GALR1: variants seen among roughly 807,000 people sequenced by gnomAD.
The protein encoded by GALR1 is galanin receptor 1.
A neutral mutation model predicts 17.9 loss-of-function variants in GALR1; 11 were observed. That is an observed-to-expected ratio of 0.62 (90% confidence interval 0.39 to 1.02). The LOEUF (loss-of-function observed/expected upper bound fraction) is 1.02, where lower values mean the gene tolerates loss of function less well. Among genes scored for constraint, GALR1 ranks in the 50% least tolerant of loss-of-function variants. The pLI, the probability that GALR1 is intolerant of heterozygous loss-of-function variation, is 0.01. For synonymous variants in GALR1, 206 were observed against 205.7 expected (o/e 1.00, Z -0.01); for missense variants, 441 against 456.9 (o/e 0.97, Z 0.32).
At chr18:77,265,609 C>G (rs1912928725) in intron 2 of GALR1, among the ~76,000 whole-genome samples, 1 of 152,224 alleles carries the variant, frequency 6.6e-6, no homozygotes, top group Non-Finnish European at 1.5e-5. Flanking sequence ...CAGAGGTTCT[C>G]CATAAGGACT....
chr18:77,252,964 A>G (rs997182928), intron 1 of GALR1, among the ~76,000 whole-genome samples: 1 of 71,398 alleles, frequency 1.4e-5, no homozygotes, highest in Non-Finnish European at 3.2e-5. Flanking sequence ...CACCATCACC[A>G]CCACCATCAC....
At chr18:77,258,570 GTGGTGGTGGTCATGGTGGTGA>G (rs1465116683) in intron 2 of GALR1, among the ~76,000 whole-genome samples, 40 of 145,754 alleles carry the variant, frequency 2.7e-4, no homozygotes, top group South Asian at 1.1e-3. Flanking sequence ...CATAGTGGGG[GTGGTGGTGGTCATGGTGGTGA>G]TGGTGGTGGT....
At chr18:77,262,346 C>T (rs1912849905) in intron 2 of GALR1, among the ~76,000 whole-genome samples, 1 of 152,134 alleles carries the variant, frequency 6.6e-6, no homozygotes, top group African/African-American at 2.4e-5. Flanking sequence ...CTATGCTAGG[C>T]ATATATCGTT....
chr18:77,268,210 G>A (rs1441279382), intron 2 of GALR1, among the ~76,000 whole-genome samples: 1 of 152,068 alleles, frequency 6.6e-6, no homozygotes, highest in Non-Finnish European at 1.5e-5. Flanking sequence ...TGGTGATACA[G>A]CTGCGGTGGG....
intron 1 of GALR1, among the ~76,000 whole-genome samples, chr18:77,254,823 C>A (rs748917114): frequency 6.6e-6 from 1 of 152,202 alleles, no homozygotes; most frequent in African/African-American, 2.4e-5. Flanking sequence ...AATGCTCCTG[C>A]GGCACGTAAA....
Position 77,250,615 on chromosome 18 carries a change from C to T in GALR1, c.67C>T (p.Pro23Ser), listed in dbSNP as rs1325129883. 6.4e-7 allele frequency: 1 copy of T among 1,573,772 alleles called. No individual in the cohort carries two copies. The highest frequency in any genetic ancestry group is 2.4e-5 in the East Asian group (1 of 42,388). Residue 23 changes from proline (P) to serine (S), a missense_variant, in exon 1 of 3, where the codon CCC becomes TCC. Pro to Ser is a moderately conservative substitution (Grantham distance 74). Transcript: ENST00000299727. ...ASWPEPPAPE[P>S]GPLFGIGVEN... ...CTGGCCGGAGCCCCCCGCCCCGGAG[C>T]CCGGGCCGCTGTTCGGCATCGGCGT...
chr18:77,268,037 C>G (rs1212156599), intron 2 of GALR1, among the ~76,000 whole-genome samples: 1 of 152,186 alleles, frequency 6.6e-6, no homozygotes, highest in Non-Finnish European at 1.5e-5. Flanking sequence ...GCAAAAGGGA[C>G]TAATTCGGTC....
intron 2 of GALR1, among the ~76,000 whole-genome samples, chr18:77,266,691 T>C (rs1912948986): frequency 6.6e-6 from 1 of 152,194 alleles, no homozygotes; most frequent in African/African-American, 2.4e-5. Flanking sequence ...AACATGTCCT[T>C]CTTCACATGG....
In GALR1 at chr18:77,271,257, C is replaced by CCA. The variant is rs1555673532; in HGVS notation, c.*2356_*2357insAC. On this transcript the variant is annotated 3_prime_UTR_variant, in exon 3 of 3. Coordinates refer to ENST00000299727, the MANE Select transcript of GALR1 (RefSeq NM_001480.4). ...AGCTTGCGCTTGAAACCCCCCCCCC[C>CCA]CCGCCACTTTGCTAAATGTAAATGC... is the stretch of plus-strand genomic sequence containing the variant. 9.6e-6 allele frequency: 1 copy of CCA among 103,808 alleles called. No homozygotes were observed. Among genetic ancestry groups the CCA allele is most frequent in the Non-Finnish European group, 2.1e-5 (1 of 47,724 alleles). 6.4% of individuals were successfully genotyped at this position (103,808 alleles called of 1,614,324 possible).
chr18:77,255,179 G>C (rs546473798), intron 1 of GALR1, among the ~76,000 whole-genome samples: 130 of 152,296 alleles, frequency 8.5e-4, no homozygotes, highest in African/African-American at 3.0e-3. Context: ...AGTCGCCCTG[G>C]GGCTAGATTT....
chr18:77,254,428 T>C (rs1378487459), intron 1 of GALR1, among the ~76,000 whole-genome samples: 1 of 152,256 alleles, frequency 6.6e-6, no homozygotes, highest in Non-Finnish European at 1.5e-5. Context: ...TGAGCTGTGA[T>C]CCGAATTCCT....
rs369466208 is a variant in GALR1, at chr18:77,251,018, G to T, written c.470G>T (p.Gly157Val). ...RVSRNALLGV[G>V]CIWALSIAMA... is the part of the protein sequence containing the mutation. Reference sequence around the variant, plus strand: ...TCCCGCAACGCGCTGCTGGGCGTGGGCTGCATCTGGGCGCTGTCCATTGCC... The same window carrying T: ...TCCCGCAACGCGCTGCTGGGCGTGGTCTGCATCTGGGCGCTGTCCATTGCC... Residue 157 changes from glycine to valine, a missense_variant, in exon 1 of 3, where the codon GGC becomes GTC. Physicochemically the swap from Gly to Val is moderately radical, Grantham distance 109. Transcript: ENST00000299727. 1 of 1,605,236 alleles carries T rather than the reference G, an allele frequency of 6.2e-7. No individual in the cohort carries two copies. Among genetic ancestry groups the T allele is most frequent in the Non-Finnish European group, 8.5e-7 (1 of 1,179,824 alleles).
At chr18:77,263,614 C>T (rs549674767) in intron 2 of GALR1, among the ~76,000 whole-genome samples, 63 of 152,274 alleles carry the variant, frequency 4.1e-4, no homozygotes, top group African/African-American at 1.4e-3. Flanking sequence ...CTGTCCACCT[C>T]GCTAGTAGGA....
intron 2 of GALR1, among the ~76,000 whole-genome samples, chr18:77,257,585 CT>C (rs1453613134): frequency 6.6e-6 from 1 of 152,156 alleles, no homozygotes; most frequent in Admixed American, 6.5e-5. Flanking sequence ...TCTGGTATAT[CT>C]ATTGATTTTT....
chr18:77,276,729 T>C lies in GALR1; in HGVS notation c.*7827T>C, dbSNP rs945656456. ...GATGGTCTTTTAAAGTCTAAGCTTC[T>C]ATGGTTCTGTGAAAAAAATTGTTTA... is the stretch of plus-strand genomic sequence containing the variant. On this transcript the variant is annotated 3_prime_UTR_variant, in exon 3 of 3. Coordinates refer to ENST00000299727, the MANE Select transcript of GALR1 (RefSeq NM_001480.4). 1 of 152,266 alleles carries C rather than the reference T, an allele frequency of 6.6e-6. No homozygotes were observed. The highest frequency in any genetic ancestry group is 1.5e-5 in the Non-Finnish European group (1 of 68,048). The allele number at this position is 152,266 out of a possible 1,614,324, so 9.4% of individuals were successfully genotyped here.
intron 2 of GALR1, 28 bp from the exon 3 acceptor site, chr18:77,268,542 GCCTCCTCCTCCTCCT>G: frequency 9.0e-6 from 12 of 1,329,790 alleles, no homozygotes; most frequent in Non-Finnish European, 1.3e-5. Context: ...CTCCCTTACC[GCCTCCTCCTCCTCCT>G]CCTCCTCCTC....
In GALR1 at chr18:77,276,671, A is replaced by G. The variant is rs367750189; in HGVS notation, c.*7769A>G. 2.6e-4 allele frequency: 39 copies of G among 152,286 alleles called. 1 individual carries two copies. The East Asian group carries it at 6.6e-3, about 26-fold the overall frequency. 9.4% of individuals were successfully genotyped at this position (152,286 alleles called of 1,614,324 possible). On this transcript the variant is annotated 3_prime_UTR_variant, in exon 3 of 3. Coordinates refer to ENST00000299727, the MANE Select transcript of GALR1 (RefSeq NM_001480.4). The stretch of plus-strand genomic sequence containing the variant: ...CCAGGCTTTTTAAAACAGTGTCTGT[A>G]TTTTCAGAGCAGATAACCAATCAAA...
rs1421940614 is a variant in GALR1, at chr18:77,271,261, C to A, written c.*2359C>A. ...TGCGCTTGAAACCCCCCCCCCCCCGCCACTTTGCTAAATGTAAATGCTAAT... is the reference window on the plus strand; with the variant it reads ...TGCGCTTGAAACCCCCCCCCCCCCGACACTTTGCTAAATGTAAATGCTAAT... On this transcript the variant is annotated 3_prime_UTR_variant, in exon 3 of 3. Coordinates refer to ENST00000299727, the MANE Select transcript of GALR1 (RefSeq NM_001480.4). The A allele has an allele frequency of 5.3e-5, 5 of 94,446 alleles. No homozygotes were observed. Among genetic ancestry groups the A allele is most frequent in the Non-Finnish European group, 8.8e-5 (4 of 45,348 alleles). The allele number at this position is 94,446 out of a possible 1,614,324, so 5.9% of individuals were successfully genotyped here. A position where few individuals can be genotyped will look rare whatever the true frequency, so the allele number is the denominator to read the frequency against.
At position 77,274,780 on chromosome 18, in the gene GALR1, C is replaced by T. The variant is rs1913123909; in HGVS notation, c.*5878C>T. On this transcript the variant is annotated 3_prime_UTR_variant, in exon 3 of 3. Coordinates refer to ENST00000299727, the MANE Select transcript of GALR1 (RefSeq NM_001480.4). ...TTAGAGAACAACTAATCCAAAAAAT[C>T]TATCATCCTTTATTTGTGTTGACTT... 1 of 152,236 alleles carries T rather than the reference C, an allele frequency of 6.6e-6. No homozygotes were observed. Among genetic ancestry groups the T allele is most frequent in the Non-Finnish European group, 1.5e-5 (1 of 68,042 alleles). 9.4% of individuals were successfully genotyped at this position (152,236 alleles called of 1,614,324 possible).
Sources: gnomAD v4.1 joint callset for allele counts (sites outside exome capture counted in the v4.1 genomes callset) on GRCh38, gnomAD v4.1.1 for gene constraint, MANE v1.5 for transcripts, NCBI Gene and HGNC (gene_info 2026-07-23, HGNC 2026-07-21) for gene names.